DLG1: variants seen among roughly 807,000 people sequenced by gnomAD.
The protein encoded by DLG1 is discs large MAGUK scaffold protein 1.
A neutral mutation model predicts 123.4 loss-of-function variants in DLG1; 42 were observed. That is an observed-to-expected ratio of 0.34 (90% CI 0.27 to 0.44). The LOEUF (loss-of-function observed/expected upper bound fraction) is 0.44, where lower values mean the gene tolerates loss of function less well. Ranked by LOEUF, DLG1 falls within the 20% of genes least tolerant of loss-of-function variation. DLG1 has a pLI of 1.00. For missense variants in DLG1, 942 were observed against 1,082.6 expected (o/e 0.87, Z 1.82); for synonymous variants, 317 against 356.2 (o/e 0.89, Z 1.24).
At chr3:197,131,732 T>C (rs907349746) in intron 10 of DLG1, among the ~76,000 whole-genome samples, 3 of 148,846 alleles carry the variant, frequency 2.0e-5, no homozygotes, top group African/African-American at 7.5e-5. Context: ...TAGCTGGGAC[T>C]ACAGGCGCCC....
chr3:197,258,423 T>C lies in DLG1; in HGVS notation c.318+24256A>G, dbSNP rs965503014. 1.8e-3 allele frequency among the ~76,000 whole-genome samples: 27 copies of C among 15,232 alleles called. No homozygotes were observed. In the Admixed American group the frequency reaches 0.023, roughly 13 times the overall value. The allele number at this position is 15,232 out of a possible 152,430, so 10.0% of individuals were successfully genotyped here. A position where few individuals can be genotyped will look rare whatever the true frequency, so the allele number is the denominator to read the frequency against. Reference sequence around the variant, plus strand: ...TTCTTCATTGTGAAGAACATATAGTTATGGGGGGGCGGGGGGGAACAACCA... The same window carrying C: ...TTCTTCATTGTGAAGAACATATAGTCATGGGGGGGCGGGGGGGAACAACCA... On this transcript the variant is annotated intron_variant, in intron 4 of 24. Coordinates refer to ENST00000667157, the MANE Select transcript of DLG1 (RefSeq NM_001366207.1).
intron 14 of DLG1, among the ~76,000 whole-genome samples, chr3:197,104,573 T>A (rs1405331859): frequency 6.6e-6 from 1 of 152,032 alleles, no homozygotes; most frequent in Non-Finnish European, 1.5e-5. Context: ...TCCCAGTTAC[T>A]TGGGAGGCTG....
chr3:197,296,546 ATAAT>A, intron 2 of DLG1, 69 bp from the exon 3 acceptor site: 1 of 1,401,530 alleles, frequency 7.1e-7, no homozygotes, highest in Non-Finnish European at 1.0e-6. Flanking sequence ...ACTAGTGCAA[ATAAT>A]TCTGCATGAC....
intron 15 of DLG1, 34 bp from the exon 16 acceptor site, chr3:197,085,790 T>C (rs764303124): frequency 6.3e-6 from 10 of 1,578,248 alleles, no homozygotes; most frequent in Non-Finnish European, 8.6e-6. Flanking sequence ...CATAATCACT[T>C]GTTATAATAT....
chr3:197,107,749 C>A (rs1297851008), intron 13 of DLG1, among the ~76,000 whole-genome samples: 1 of 151,230 alleles, frequency 6.6e-6, no homozygotes, highest in Non-Finnish European at 1.5e-5. Context: ...TTTTTCTATA[C>A]AAGATTATGT....
intron 4 of DLG1, among the ~76,000 whole-genome samples, chr3:197,247,258 G>A (rs1752183538): frequency 6.6e-6 from 1 of 152,194 alleles, no homozygotes; most frequent in Non-Finnish European, 1.5e-5. Context: ...CCTGGGGGGA[G>A]ACATAGACTC....
intron 7 of DLG1, 125 bp downstream of exon 7, chr3:197,142,593 T>G: frequency 1.6e-6 from 1 of 619,494 alleles, no homozygotes; most frequent in Non-Finnish European, 2.5e-6. Context: ...TGGCCAATTT[T>G]ATGAACTGGG....
chr3:197,170,629 G>A (rs148265940), intron 5 of DLG1, among the ~76,000 whole-genome samples: 3 of 152,080 alleles, frequency 2.0e-5, no homozygotes, highest in Admixed American at 6.6e-5. Flanking sequence ...TATAGACGCC[G>A]GATATTAGAC....
Position 197,076,590 on chromosome 3 carries a change from A to G in DLG1, c.2001T>C (p.Ala667=), listed in dbSNP as rs1346127483. Residue 667 remains alanine, a synonymous_variant, in exon 18 of 25, where the codon GCT becomes GCC. Transcript: ENST00000667157. The part of the protein sequence containing the change: ...KDQSEQETSD[A]DQHVTSNASD... The stretch of plus-strand genomic sequence containing the variant: ...CCACTGGATCCACATACTTACGGTC[A>G]GCATCACTTGTTTCCTGCTCACTCT... The G allele has an allele frequency of 2.0e-5, 33 of 1,610,460 alleles. No homozygotes were observed. Among genetic ancestry groups the G allele is most frequent in the Non-Finnish European group, 2.5e-5 (30 of 1,177,572 alleles).
intron 4 of DLG1, among the ~76,000 whole-genome samples, chr3:197,273,831 C>A (rs1765019029): frequency 4.3e-5 from 2 of 46,218 alleles, no homozygotes; most frequent in Admixed American, 3.3e-4. Flanking sequence ...GGAATACAAT[C>A]ACATTTATAA....
intron 5 of DLG1, among the ~76,000 whole-genome samples, chr3:197,163,710 T>C (rs1483935071): frequency 1.1e-5 from 1 of 88,092 alleles, no homozygotes; most frequent in Non-Finnish European, 2.4e-5. Flanking sequence ...TTTTTTTTTT[T>C]GTATTTTTAG....
chr3:197,136,458 T>A (rs951130647), intron 10 of DLG1, 84 bp downstream of exon 10: 2 of 1,136,994 alleles, frequency 1.8e-6, no homozygotes, highest in African/African-American at 3.1e-5. Context: ...TTAGACCTTT[T>A]TGGTATGGAG....
chr3:197,188,863 AG>A (rs1389679754), intron 5 of DLG1, among the ~76,000 whole-genome samples: 1 of 152,232 alleles, frequency 6.6e-6, no homozygotes, highest in African/African-American at 2.4e-5. Context: ...TGTCAAAATA[AG>A]GGTTGTTTTC....
rs1769975657 is a variant in DLG1, at chr3:197,282,718, A to G, written c.279T>C (p.Thr93=). 5.0e-6 allele frequency: 8 copies of G among 1,609,972 alleles called. No homozygotes were observed. In the East Asian group the frequency reaches 1.8e-4, roughly 36 times the overall value. ...TAAGGCTGCTTGGCAGTGTCTCTGAAGTCACAGTAGAGCTTGGAAGGCTGG... is the reference window on the plus strand; with the variant it reads ...TAAGGCTGCTTGGCAGTGTCTCTGAGGTCACAGTAGAGCTTGGAAGGCTGG... ...EISSLPSSTV[T]SETLPSSLSP... is the part of the protein sequence containing the mutation. The change falls in exon 4 of 25, where the codon ACT becomes ACC. Residue 93 remains threonine, a synonymous_variant. Transcript: ENST00000667157.
At chr3:197,212,024 A>C (rs1731494197) in intron 4 of DLG1, among the ~76,000 whole-genome samples, 1 of 146,436 alleles carries the variant, frequency 6.8e-6, no homozygotes, top group African/African-American at 2.4e-5. Flanking sequence ...CTCACTTATA[A>C]GTGGGAACTA....
At chr3:197,102,760 A>C (rs1253984697) in intron 14 of DLG1, among the ~76,000 whole-genome samples, 1 of 152,184 alleles carries the variant, frequency 6.6e-6, no homozygotes, top group Non-Finnish European at 1.5e-5. Context: ...CTGTAATCCC[A>C]CCTACTTGGG....
chr3:197,201,099 A>ACCGG (rs1334535148), intron 4 of DLG1, among the ~76,000 whole-genome samples: 8 of 152,128 alleles, frequency 5.3e-5, no homozygotes, highest in African/African-American at 1.9e-4. Flanking sequence ...TAAAGACTCC[A>ACCGG]CCGGCCGGGC....
rs1297904008 is a variant in DLG1, at chr3:197,104,895, G to A, written c.1546+8C>T. On this transcript the variant is annotated splice_region_variant and intron_variant, in intron 14 of 24. Coordinates refer to ENST00000667157, the MANE Select transcript of DLG1 (RefSeq NM_001366207.1). The stretch of plus-strand genomic sequence containing the variant: ...AGCAATAACTATAGACAATAAGAAT[G>A]TTATTACCTTCAGGTCGATATTGTG... 2 of 1,584,274 alleles carry A rather than the reference G, an allele frequency of 1.3e-6. No individual in the cohort carries two copies. Among genetic ancestry groups the A allele is most frequent in the Non-Finnish European group, 1.7e-6 (2 of 1,154,324 alleles).
At chr3:197,119,272 G>C (rs1579615509) in intron 12 of DLG1, 138 bp downstream of exon 12, 1 of 499,750 alleles carries the variant, frequency 2.0e-6, no homozygotes, top group East Asian at 4.1e-5. Context: ...TCCTCCTATG[G>C]AAAAAAATTA....
Sources: allele counts gnomAD v4.1 joint callset (sites outside exome capture counted in the v4.1 genomes callset), GRCh38; gene constraint gnomAD v4.1.1; transcripts MANE v1.5; gene names NCBI Gene and HGNC (gene_info 2026-07-23, HGNC 2026-07-21).